The following GRIK1 variants were observed in gnomAD, a reference collection of about 807,000 sequenced individuals.
GRIK1 encodes the protein glutamate receptor ionotropic, kainate 1.
GRIK1 carries 69 observed loss-of-function variants against 105.7 expected under a neutral mutation model. That is an observed-to-expected ratio of 0.65 (90% confidence interval 0.54 to 0.80). GRIK1 has a LOEUF of 0.80. Ranked by LOEUF, GRIK1 falls within the 30% of genes least tolerant of loss-of-function variation. The probability of loss-of-function intolerance (pLI) is 0.00; values close to 1 mark genes in which losing one functional copy is unlikely to be tolerated. For synonymous variants in GRIK1, 438 were observed against 431.3 expected (o/e 1.02, Z -0.19); for missense variants, 1,109 against 1,167.3 (o/e 0.95, Z 0.73).
In GRIK1 at chr21:29,848,020, T is replaced by A. The variant is rs1016705239; in HGVS notation, c.118+91363A>T. Among the ~76,000 whole-genome samples the A allele has an allele frequency of 1.1e-4, 16 of 152,120 alleles. No individual in the cohort carries two copies. In the East Asian group the frequency reaches 2.5e-3, roughly 24 times the overall value. On this transcript the variant is annotated intron_variant, in intron 1 of 17. Coordinates refer to ENST00000327783, the MANE Select transcript of GRIK1 (RefSeq NM_001330994.2). ...AATTAACTAGTAGTAGCATTTATACTCTCTCAGTTACCCAGGGTTAAACGT... is the reference window on the plus strand; with the variant it reads ...AATTAACTAGTAGTAGCATTTATACACTCTCAGTTACCCAGGGTTAAACGT...
chr21:29,845,676 G>C (rs555618891), intron 1 of GRIK1, among the ~76,000 whole-genome samples: 3 of 151,918 alleles, frequency 2.0e-5, no homozygotes, highest in Non-Finnish European at 4.4e-5. Flanking sequence ...TTTCCTCTTG[G>C]AGTACTTGTT....
chr21:29,833,362 C>T (rs1478221322), intron 1 of GRIK1, among the ~76,000 whole-genome samples: 1 of 152,148 alleles, frequency 6.6e-6, no homozygotes, highest in Non-Finnish European at 1.5e-5. Context: ...TATAAGAATG[C>T]CCCACTCCCA....
intron 1 of GRIK1, among the ~76,000 whole-genome samples, chr21:29,713,450 A>G (rs2064104844): frequency 6.6e-6 from 1 of 152,068 alleles, no homozygotes; most frequent in Admixed American, 6.6e-5. Context: ...AATATTGCCT[A>G]ATATTATTAT....
In GRIK1 at chr21:29,644,612, C is replaced by T. The variant is rs112048983; in HGVS notation, c.955-1643G>A. Among the ~76,000 whole-genome samples, 1,060 of 152,306 alleles carry T rather than the reference C, an allele frequency of 7.0e-3. 11 individuals are homozygous for T. Among genetic ancestry groups the T allele is most frequent in the African/African-American group, 0.024 (982 of 41,562 alleles). On this transcript the variant is annotated intron_variant, in intron 6 of 17. Coordinates refer to ENST00000327783, the MANE Select transcript of GRIK1 (RefSeq NM_001330994.2). The stretch of plus-strand genomic sequence containing the variant: ...TGATCATTTCAGTTCAGGACTTACA[C>T]TATCCACTTTGTAGATGAGAAAACT...
chr21:29,832,181 C>T (rs1345004605), intron 1 of GRIK1, among the ~76,000 whole-genome samples: 2 of 152,166 alleles, frequency 1.3e-5, no homozygotes, highest in South Asian at 2.1e-4. Context: ...TTGGGCATCT[C>T]CACCCCTATG....
At chr21:29,658,380 A>G (rs1452174851) in intron 4 of GRIK1, among the ~76,000 whole-genome samples, 1 of 152,118 alleles carries the variant, frequency 6.6e-6, no homozygotes, top group East Asian at 1.9e-4. Flanking sequence ...CTCTTGTCTC[A>G]GCCTCCTGAG....
intron 1 of GRIK1, among the ~76,000 whole-genome samples, chr21:29,797,188 G>GA: frequency 6.6e-6 from 1 of 152,236 alleles, no homozygotes; most frequent in East Asian, 1.9e-4. Context: ...ACTATGTGGG[G>GA]AAAGGCTGCA....
At chr21:29,563,019 T>TG (rs996893643) in intron 14 of GRIK1, among the ~76,000 whole-genome samples, 24 of 151,954 alleles carry the variant, frequency 1.6e-4, no homozygotes, top group African/African-American at 2.9e-4. Flanking sequence ...TTTTTTTTTT[T>TG]AATTTTTCTT....
At chr21:29,548,399 T>TCATTTTAAAAGCATTTTA (rs1418001853) in intron 16 of GRIK1, among the ~76,000 whole-genome samples, 9 of 152,240 alleles carry the variant, frequency 5.9e-5, no homozygotes, top group Non-Finnish European at 1.0e-4. Flanking sequence ...GATTTTAAAA[T>TCATTTTAAAAGCATTTTA]GCTTGTGCAT....
chr21:29,664,031 G>C (rs2063015088), intron 4 of GRIK1, among the ~76,000 whole-genome samples: 2 of 152,164 alleles, frequency 1.3e-5, no homozygotes, highest in Non-Finnish European at 2.9e-5. Context: ...AAAGGTGAGA[G>C]CAAGTAAGGT....
At chr21:29,848,779 A>ATATATATATATATATATATGTATATTTT in intron 1 of GRIK1, among the ~76,000 whole-genome samples, 1 of 77,884 alleles carries the variant, frequency 1.3e-5, no homozygotes, top group African/African-American at 5.8e-5. Flanking sequence ...ATATATATAT[A>ATATATATATATATATATATGTATATTTT]TTTTTTTTTT....
chr21:29,552,061 A>G (rs1347254650), intron 16 of GRIK1, among the ~76,000 whole-genome samples: 1 of 152,158 alleles, frequency 6.6e-6, no homozygotes, highest in Non-Finnish European at 1.5e-5. Context: ...ATAAGAATCA[A>G]CTAGTCAACT....
At chr21:29,539,120 A>T (rs1197220467) in intron 16 of GRIK1, among the ~76,000 whole-genome samples, 1 of 152,180 alleles carries the variant, frequency 6.6e-6, no homozygotes, top group Non-Finnish European at 1.5e-5. Context: ...TTGTGGCTTC[A>T]GTGAATTGGG....
intron 1 of GRIK1, among the ~76,000 whole-genome samples, chr21:29,741,957 T>C (rs2064940934): frequency 6.6e-6 from 1 of 152,208 alleles, no homozygotes; most frequent in African/African-American, 2.4e-5. Context: ...TTTTGAAAGC[T>C]CTGGGTGATG....
At chr21:29,935,855 G>T (rs1481386073) in intron 1 of GRIK1, among the ~76,000 whole-genome samples, 1 of 152,100 alleles carries the variant, frequency 6.6e-6, no homozygotes, top group Non-Finnish European at 1.5e-5. Flanking sequence ...TAGGCTTAAA[G>T]ATATTAAAGG....
intron 1 of GRIK1, among the ~76,000 whole-genome samples, chr21:29,721,194 T>G (rs1446028397): frequency 2.0e-5 from 3 of 152,204 alleles, no homozygotes; most frequent in Admixed American, 6.5e-5. Context: ...ATGTAAAAAT[T>G]TGCATATCTT....
At chr21:29,737,273 C>T (rs2146923514) in intron 1 of GRIK1, among the ~76,000 whole-genome samples, 1 of 152,266 alleles carries the variant, frequency 6.6e-6, no homozygotes, top group Admixed American at 6.5e-5. Context: ...CACAAAGAAA[C>T]TGTAGGCTCA....
At chr21:29,806,817 C>T (rs453171) in intron 1 of GRIK1, among the ~76,000 whole-genome samples, 3 of 151,922 alleles carry the variant, frequency 2.0e-5, no homozygotes, top group South Asian at 2.1e-4. Context: ...AGAACAATGA[C>T]GACATTCATA....
At chr21:29,877,556 G>A (rs558817456) in intron 1 of GRIK1, among the ~76,000 whole-genome samples, 1 of 152,232 alleles carries the variant, frequency 6.6e-6, no homozygotes, top group South Asian at 2.1e-4. Context: ...AGTATCTCAT[G>A]CTGTATTACA....
Sources: gnomAD v4.1 joint callset for allele counts (sites outside exome capture counted in the v4.1 genomes callset) on GRCh38, gnomAD v4.1.1 for gene constraint, MANE v1.5 for transcripts, NCBI Gene and HGNC (gene_info 2026-07-23, HGNC 2026-07-21) for gene names.